GATAD2B: variants seen among roughly 807,000 people sequenced by gnomAD.
GATAD2B encodes the protein transcriptional repressor p66-beta.
A neutral mutation model predicts 64.3 loss-of-function variants in GATAD2B; 8 were observed. That is an observed-to-expected ratio of 0.12 (90% CI 0.07 to 0.22). GATAD2B has a LOEUF of 0.22. Among genes scored for constraint, GATAD2B ranks in the 10% least tolerant of loss-of-function variants. GATAD2B has a pLI of 1.00. For missense variants in GATAD2B, 453 were observed against 752.0 expected (o/e 0.60, Z 4.65); for synonymous variants, 281 against 271.3 (o/e 1.04, Z -0.35).
At chr1:153,824,363 C>T (rs921616592) in intron 2 of GATAD2B, among the ~76,000 whole-genome samples, 3 of 152,128 alleles carry the variant, frequency 2.0e-5, no homozygotes, top group Admixed American at 1.3e-4. Context: ...GGTGTGGTGG[C>T]TCACGCCCAT....
At chr1:153,848,488 T>C (rs1397418070) in intron 1 of GATAD2B, among the ~76,000 whole-genome samples, 13 of 152,206 alleles carry the variant, frequency 8.5e-5, no homozygotes, top group Non-Finnish European at 1.8e-4. Flanking sequence ...GATCCTTTAT[T>C]CTTAGTCTTC....
At chr1:153,907,029 G>A (rs1243580169) in intron 1 of GATAD2B, among the ~76,000 whole-genome samples, 1 of 152,190 alleles carries the variant, frequency 6.6e-6, no homozygotes, top group East Asian at 1.9e-4. Flanking sequence ...TGGAGGGACT[G>A]GAACCTTTGT....
At chr1:153,879,623 C>T (rs1676946907) in intron 1 of GATAD2B, among the ~76,000 whole-genome samples, 1 of 151,962 alleles carries the variant, frequency 6.6e-6, no homozygotes, top group Non-Finnish European at 1.5e-5. Flanking sequence ...ATTAGCTGGG[C>T]ATGGTGGCGC....
chr1:153,852,796 A>G (rs886349852), intron 1 of GATAD2B: 15 of 921,892 alleles, frequency 1.6e-5, no homozygotes, highest in Non-Finnish European at 2.2e-5. Context: ...CTTCTGAACC[A>G]TATCATATCC....
chr1:153,813,759 C>T (rs745501479), intron 7 of GATAD2B, among the ~76,000 whole-genome samples: 1 of 152,098 alleles, frequency 6.6e-6, no homozygotes, highest in East Asian at 1.9e-4. Context: ...GGACGGCTAA[C>T]GAGGTCAGGA....
chr1:153,909,974 G>A (rs981598760), intron 1 of GATAD2B, among the ~76,000 whole-genome samples: 1 of 150,706 alleles, frequency 6.6e-6, no homozygotes, highest in Non-Finnish European at 1.5e-5. Context: ...AATTAGCTGG[G>A]CATGGTGGCG....
intron 1 of GATAD2B, among the ~76,000 whole-genome samples, chr1:153,896,824 T>C (rs1197715359): frequency 6.6e-6 from 1 of 152,198 alleles, no homozygotes; most frequent in Non-Finnish European, 1.5e-5. Context: ...TCATGCTATA[T>C]TCTGCTAACA....
At chr1:153,912,076 T>C (rs1318863102) in intron 1 of GATAD2B, among the ~76,000 whole-genome samples, 3 of 152,236 alleles carry the variant, frequency 2.0e-5, no homozygotes, top group Non-Finnish European at 1.5e-5. Flanking sequence ...ACCTTAGTTA[T>C]ACTCTTCGGT....
Position 153,873,339 on chromosome 1 carries a change from G to C in GATAD2B, c.-1-44991C>G, listed in dbSNP as rs544516306. 4.6e-5 allele frequency among the ~76,000 whole-genome samples: 7 copies of C among 152,156 alleles called. No homozygotes were observed. In the South Asian group the frequency reaches 1.5e-3, roughly 32 times the overall value. On this transcript the variant is annotated intron_variant, in intron 1 of 10. Coordinates refer to ENST00000368655, the MANE Select transcript of GATAD2B (RefSeq NM_020699.4). ...TCTTTGTACTTCGCTTTAATACCCC[G>C]CAACGATTTGAATGTGTCCCCCAGA...
intron 1 of GATAD2B, chr1:153,921,963 T>C (rs535415134): frequency 5.3e-5 from 8 of 152,060 alleles, no homozygotes; most frequent in African/African-American, 1.9e-4. Flanking sequence ...AGTCCCGGTG[T>C]GGTTAGGGAA....
intron 7 of GATAD2B, 142 bp from the exon 8 acceptor site, chr1:153,813,594 A>C: frequency 1.6e-6 from 1 of 642,870 alleles, no homozygotes; most frequent in South Asian, 2.0e-5. Context: ...AATTTACAAA[A>C]TACTTTTATT....
chr1:153,918,114 GGA>G (rs1433697358), intron 1 of GATAD2B, among the ~76,000 whole-genome samples: 1 of 152,190 alleles, frequency 6.6e-6, no homozygotes, highest in East Asian at 1.9e-4. Context: ...TGGCTGGAAT[GGA>G]GAGAGCAAGA....
intron 1 of GATAD2B, among the ~76,000 whole-genome samples, chr1:153,911,668 G>A (rs1275900818): frequency 2.0e-5 from 3 of 151,938 alleles, no homozygotes; most frequent in East Asian, 1.9e-4. Context: ...CTCGGGAGGC[G>A]GAGGTTGCAG....
At chr1:153,884,067 CG>C (rs1677091721) in intron 1 of GATAD2B, among the ~76,000 whole-genome samples, 1 of 152,140 alleles carries the variant, frequency 6.6e-6, no homozygotes, top group Non-Finnish European at 1.5e-5. Flanking sequence ...GAGGCTGAGG[CG>C]GGCAGACCAC....
intron 1 of GATAD2B, among the ~76,000 whole-genome samples, chr1:153,856,308 G>C (rs913676365): frequency 3.9e-5 from 6 of 152,134 alleles, no homozygotes; most frequent in Non-Finnish European, 7.3e-5. Flanking sequence ...AGACATCTTG[G>C]GAGAAGGGGC....
At chr1:153,860,966 T>C (rs1676260681) in intron 1 of GATAD2B, among the ~76,000 whole-genome samples, 1 of 152,172 alleles carries the variant, frequency 6.6e-6, no homozygotes, top group Non-Finnish European at 1.5e-5. Flanking sequence ...CTAACCAGTA[T>C]ATAACAGGCA....
chr1:153,893,955 T>TAAAAAAAAAAAAAAAAAA, intron 1 of GATAD2B, among the ~76,000 whole-genome samples: 1 of 68,632 alleles, frequency 1.5e-5, no homozygotes, highest in Non-Finnish European at 2.4e-5. Context: ...AGACTCCATC[T>TAAAAAAAAAAAAAAAAAA]AAAAAAAAAA....
intron 1 of GATAD2B, among the ~76,000 whole-genome samples, chr1:153,845,127 C>T (rs1675637984): frequency 6.6e-6 from 1 of 152,058 alleles, no homozygotes; most frequent in South Asian, 2.1e-4. Flanking sequence ...AATCAAACTT[C>T]TAGAGATGAA....
chr1:153,867,329 CAGG>C (rs1174340730), intron 1 of GATAD2B, among the ~76,000 whole-genome samples: 1 of 152,044 alleles, frequency 6.6e-6, no homozygotes, highest in Non-Finnish European at 1.5e-5. Context: ...GGTTAGCAAC[CAGG>C]AGGTTAGAAA....
Sources: allele counts gnomAD v4.1 joint callset (sites outside exome capture counted in the v4.1 genomes callset), GRCh38; gene constraint gnomAD v4.1.1; transcripts MANE v1.5; gene names NCBI Gene and HGNC (gene_info 2026-07-23, HGNC 2026-07-21).